Variants in POFUT3 observed in about 807,000 individuals in gnomAD.
POFUT3 encodes the protein GDP-fucose protein O-fucosyltransferase 3.
At chr8:33,384,595 G>A in the POFUT3 span, among the ~76,000 whole-genome samples, 1 of 152,030 alleles carries the variant, frequency 6.6e-6, no homozygotes, top group Non-Finnish European at 1.5e-5. Flanking sequence ...CGAGGTGGGT[G>A]GACCACCTGA....
At chr8:33,464,734 T>TA in the POFUT3 span, among the ~76,000 whole-genome samples, 114 of 152,308 alleles carry the variant, frequency 7.5e-4, no homozygotes, top group African/African-American at 2.6e-3. Flanking sequence ...GAGCCGTGAT[T>TA]GTGCCACTGC....
the POFUT3 span, among the ~76,000 whole-genome samples, chr8:33,356,805 G>T: frequency 6.6e-6 from 1 of 152,144 alleles, no homozygotes; most frequent in African/African-American, 2.4e-5. Flanking sequence ...ATGGTTTTAG[G>T]TCTAACATTT....
chr8:33,473,016 C>T, the POFUT3 span: 1 of 152,442 alleles, frequency 6.6e-6, no homozygotes, highest in Non-Finnish European at 1.5e-5. Context: ...GCCCCTACCC[C>T]CACCAAGAGA....
At chr8:33,418,399 A>G in the POFUT3 span, among the ~76,000 whole-genome samples, 5 of 143,468 alleles carry the variant, frequency 3.5e-5, no homozygotes, top group Non-Finnish European at 6.0e-5. Flanking sequence ...TGATGTGGGA[A>G]AAAAGGGAAC....
chr8:33,310,656 A>C, the POFUT3 span, among the ~76,000 whole-genome samples: 1 of 147,658 alleles, frequency 6.8e-6, no homozygotes, highest in Non-Finnish European at 1.5e-5. Flanking sequence ...GTGCCACTGC[A>C]CTCCAGCCTG....
chr8:33,455,900 A>G, the POFUT3 span: 4 of 376,616 alleles, frequency 1.1e-5, no homozygotes, highest in Non-Finnish European at 2.0e-5. Flanking sequence ...CAAGGCCAAA[A>G]AAGAAAAAAA....
chr8:33,395,004 T>C, the POFUT3 span, among the ~76,000 whole-genome samples: 1 of 152,222 alleles, frequency 6.6e-6, no homozygotes, highest in Admixed American at 6.5e-5. Context: ...TTCTATGCTA[T>C]GCTCCTTATT....
chr8:33,470,971 G>C, the POFUT3 span, among the ~76,000 whole-genome samples: 3 of 151,694 alleles, frequency 2.0e-5, no homozygotes, highest in Admixed American at 6.6e-5. Flanking sequence ...TTTTTTAATT[G>C]TATATAACAG....
the POFUT3 span, among the ~76,000 whole-genome samples, chr8:33,337,763 T>C: frequency 3.3e-3 from 506 of 152,138 alleles, 2 homozygotes; most frequent in African/African-American, 0.011. Context: ...AAACAGAAAA[T>C]CCAAATAAGT....
chr8:33,372,894 C>G, the POFUT3 span: 1 of 1,164,592 alleles, frequency 8.6e-7, no homozygotes, highest in Non-Finnish European at 1.2e-6. Context: ...AAAACAACAG[C>G]TTTACTCCAT....
chr8:33,409,898 C>G, the POFUT3 span, among the ~76,000 whole-genome samples: 1 of 151,904 alleles, frequency 6.6e-6, no homozygotes, highest in Non-Finnish European at 1.5e-5. Flanking sequence ...AAGCAAGACT[C>G]TGCCTCAAAA....
chr8:33,391,778 A>C, the POFUT3 span, among the ~76,000 whole-genome samples: 1 of 152,192 alleles, frequency 6.6e-6, no homozygotes, highest in African/African-American at 2.4e-5. Context: ...ATTAAAGAGG[A>C]TATGATTAAA....
At chr8:33,361,511 T>C in the POFUT3 span, 2 of 152,218 alleles carry the variant, frequency 1.3e-5, no homozygotes, top group Non-Finnish European at 2.9e-5. Context: ...TTCTATCATA[T>C]GAGGCGTCCA....
At chr8:33,319,933 A>T in the POFUT3 span, among the ~76,000 whole-genome samples, 1 of 149,372 alleles carries the variant, frequency 6.7e-6, no homozygotes, top group Non-Finnish European at 1.5e-5. Flanking sequence ...TGACATAATG[A>T]ATAAATGAAT....
At chr8:33,471,655 C>T in the POFUT3 span, among the ~76,000 whole-genome samples, 2 of 152,166 alleles carry the variant, frequency 1.3e-5, no homozygotes, top group African/African-American at 4.8e-5. Flanking sequence ...AAACTATATT[C>T]TTTTTACTTC....
chr8:33,367,770 T>C, the POFUT3 span, among the ~76,000 whole-genome samples: 1 of 152,194 alleles, frequency 6.6e-6, no homozygotes, highest in African/African-American at 2.4e-5. Flanking sequence ...TCCATTTATA[T>C]AAGAAGCAAC....
At chr8:33,416,233 G>A in the POFUT3 span, among the ~76,000 whole-genome samples, 1 of 152,222 alleles carries the variant, frequency 6.6e-6, no homozygotes, top group East Asian at 1.9e-4. Context: ...AATTAATGCA[G>A]AGAATTAATC....
At chr8:33,382,197 T>C in the POFUT3 span, among the ~76,000 whole-genome samples, 1 of 151,988 alleles carries the variant, frequency 6.6e-6, no homozygotes, top group African/African-American at 2.4e-5. Flanking sequence ...GAGTCTGAGG[T>C]GGGAGGACCA....
At chr8:33,360,490 C>A in the POFUT3 span, among the ~76,000 whole-genome samples, 4 of 137,276 alleles carry the variant, frequency 2.9e-5, no homozygotes, top group East Asian at 9.4e-4. Flanking sequence ...AAATAAATAT[C>A]AGGAAACTTT....
Sources: allele counts gnomAD v4.1 joint callset (sites outside exome capture counted in the v4.1 genomes callset), GRCh38; gene constraint gnomAD v4.1.1; transcripts MANE v1.5; gene names NCBI Gene and HGNC (gene_info 2026-07-23, HGNC 2026-07-21).